ANKH: variants seen among roughly 807,000 people sequenced by gnomAD.
ANKH encodes the protein mineralization regulator ANKH.
In ANKH, 15 loss-of-function variants were observed where a neutral mutation model predicts 49.0. That is an observed-to-expected ratio of 0.31 (90% confidence interval 0.20 to 0.47). The LOEUF (loss-of-function observed/expected upper bound fraction) is 0.47. ANKH is among the 20% of genes least tolerant of loss of function. The pLI, the probability that ANKH is intolerant of heterozygous loss-of-function variation, is 1.00. For missense variants in ANKH, 429 were observed against 652.0 expected, an observed-to-expected ratio of 0.66 and a Z score of 3.72; for synonymous variants, 273 against 260.0, an observed-to-expected ratio of 1.05 and a Z score of -0.48.
rs953298969 is a variant in ANKH at position 14,854,446 on chromosome 5, G to A, written c.96+16906C>T. Among the ~76,000 whole-genome samples the A allele has an allele frequency of 1.2e-4, 18 of 152,326 alleles. No individual in the cohort carries two copies. The East Asian group carries it at 1.7e-3, about 15-fold the overall frequency. On this transcript the variant is annotated intron_variant, in intron 1 of 11. Coordinates refer to ENST00000284268, the MANE Select transcript of ANKH (RefSeq NM_054027.6). ...TGTAATCCCAGCACTTTGGGTGGTC[G>A]AGGCAGAAGGATCTCTTGGGCCTAA...
intron 1 of ANKH, chr5:14,868,772 G>C (rs977884231): frequency 4.0e-5 from 6 of 151,138 alleles, no homozygotes; most frequent in Admixed American, 4.0e-4. Context: ...GAACTCCTGA[G>C]CTCAAGCGAT....
At chr5:14,814,347 T>G (rs1740970506) in intron 1 of ANKH, among the ~76,000 whole-genome samples, 1 of 152,224 alleles carries the variant, frequency 6.6e-6, no homozygotes, top group South Asian at 2.1e-4. Context: ...ACGCCTGTAA[T>G]CCCAGCACTT....
intron 1 of ANKH, among the ~76,000 whole-genome samples, chr5:14,799,309 C>G (rs1740491546): frequency 6.6e-6 from 1 of 152,200 alleles, no homozygotes; most frequent in South Asian, 2.1e-4. Context: ...GGTAAAGCAG[C>G]AAGTGCTTAT....
At chr5:14,796,684 T>C (rs1185367806) in intron 1 of ANKH, among the ~76,000 whole-genome samples, 2 of 152,184 alleles carry the variant, frequency 1.3e-5, no homozygotes, top group African/African-American at 2.4e-5. Flanking sequence ...AGTAGGAATC[T>C]ATATGACTTG....
Position 14,711,156 on chromosome 5 carries a change from C to G in ANKH, c.*41G>C, listed in dbSNP as rs1445194062. ...GGAAGAGATGATGCCGAAGTGTCAT[C>G]CTGACTGACTGTCCCTGCAGTGCCC... On this transcript the variant is annotated 3_prime_UTR_variant, in exon 12 of 12. Coordinates refer to ENST00000284268, the MANE Select transcript of ANKH (RefSeq NM_054027.6). 1 of 1,504,964 alleles carries G rather than the reference C, an allele frequency of 6.6e-7. No individual in the cohort carries two copies. Among genetic ancestry groups the G allele is most frequent in the South Asian group, 1.1e-5 (1 of 88,984 alleles). The allele number at this position is 1,504,964 out of a possible 1,614,324, so 93.2% of individuals were successfully genotyped here. A position where few individuals can be genotyped will look rare whatever the true frequency, so the allele number is the denominator to read the frequency against.
intron 2 of ANKH, among the ~76,000 whole-genome samples, chr5:14,764,743 C>T (rs777342335): frequency 1.3e-5 from 2 of 152,104 alleles, no homozygotes; most frequent in African/African-American, 4.8e-5. Context: ...GGTTAATAAC[C>T]CATGAATAAT....
At chr5:14,741,792 C>T (rs1444203124) in intron 8 of ANKH, 35 bp downstream of exon 8, 1 of 1,559,106 alleles carries the variant, frequency 6.4e-7, no homozygotes, top group Non-Finnish European at 8.8e-7. Context: ...AAAAACCAAA[C>T]AGAGAGAAGA....
intron 1 of ANKH, among the ~76,000 whole-genome samples, chr5:14,833,498 G>A (rs1020128603): frequency 6.6e-5 from 10 of 152,178 alleles, no homozygotes; most frequent in African/African-American, 2.2e-4. Context: ...AGGCCAAAAC[G>A]AGATTCTCGC....
chr5:14,856,443 G>A (rs1735247418), intron 1 of ANKH, among the ~76,000 whole-genome samples: 1 of 109,798 alleles, frequency 9.1e-6, no homozygotes, highest in African/African-American at 3.5e-5. Context: ...AAAAGTTGAA[G>A]CCTACAGAGT....
At chr5:14,716,059 A>G (rs145870301) in intron 9 of ANKH, among the ~76,000 whole-genome samples, 70 of 152,192 alleles carry the variant, frequency 4.6e-4, no homozygotes, top group African/African-American at 1.5e-3. Flanking sequence ...TTTTTGGTGC[A>G]CAGTTTTGAG....
intron 1 of ANKH, among the ~76,000 whole-genome samples, chr5:14,793,279 G>A (rs1740264329): frequency 6.6e-6 from 1 of 151,276 alleles, no homozygotes; most frequent in Non-Finnish European, 1.5e-5. Context: ...GCTGGAAAGA[G>A]GCCCACAGAG....
At chr5:14,746,566 A>G (rs1738550362) in intron 6 of ANKH, among the ~76,000 whole-genome samples, 1 of 152,208 alleles carries the variant, frequency 6.6e-6, no homozygotes, top group Non-Finnish European at 1.5e-5. Context: ...AGAATGTTGT[A>G]GCCCCCAGCT....
intron 3 of ANKH, among the ~76,000 whole-genome samples, chr5:14,756,306 G>T (rs964780740): frequency 6.6e-6 from 1 of 152,190 alleles, no homozygotes; most frequent in Non-Finnish European, 1.5e-5. Flanking sequence ...TCCTTCCCAC[G>T]TGATGCAGAT....
chr5:14,721,712 C>T (rs907814167), intron 8 of ANKH, among the ~76,000 whole-genome samples: 1 of 151,994 alleles, frequency 6.6e-6, no homozygotes, highest in Non-Finnish European at 1.5e-5. Flanking sequence ...GGGAGGATCA[C>T]AAGGTCAGGA....
chr5:14,857,007 A>AGC (rs1250983771), intron 1 of ANKH, among the ~76,000 whole-genome samples: 1 of 152,204 alleles, frequency 6.6e-6, no homozygotes, highest in Non-Finnish European at 1.5e-5. Context: ...ATTGAAAGAA[A>AGC]GCGCTTTTCT....
At chr5:14,847,795 G>A (rs1027279883) in intron 1 of ANKH, among the ~76,000 whole-genome samples, 3 of 152,158 alleles carry the variant, frequency 2.0e-5, no homozygotes, top group African/African-American at 7.2e-5. Flanking sequence ...GGCTTCTTAC[G>A]AGACACTAGG....
In ANKH at chr5:14,805,331, C is replaced by T. The variant is rs1387354008; in HGVS notation, c.97-36140G>A. ...AGCTGGCAGATGGCCTATTGCAGAA[C>T]TTTGTGATCGTGTAAGTTAATACTT... On this transcript the variant is annotated intron_variant, in intron 1 of 11. Coordinates refer to ENST00000284268, the MANE Select transcript of ANKH (RefSeq NM_054027.6). Among the ~76,000 whole-genome samples the T allele has an allele frequency of 2.0e-5, 3 of 150,964 alleles. No homozygotes were observed. The East Asian group carries it at 5.9e-4, about 30-fold the overall frequency.
chr5:14,858,830 G>C lies in ANKH; in HGVS notation c.96+12522C>G, dbSNP rs1403119118. Among the ~76,000 whole-genome samples, 7 of 151,682 alleles carry C rather than the reference G, an allele frequency of 4.6e-5. No individual in the cohort carries two copies. The East Asian group carries it at 1.2e-3, about 25-fold the overall frequency. Reference sequence around the variant, plus strand: ...CACTAAAATAAGATACAGATTTCTAGGTGGTGGGCTTGCATAAGATATTCT... The same window carrying C: ...CACTAAAATAAGATACAGATTTCTACGTGGTGGGCTTGCATAAGATATTCT... On this transcript the variant is annotated intron_variant, in intron 1 of 11. Transcript: ENST00000284268.
At chr5:14,844,532 T>A (rs961142819) in intron 1 of ANKH, among the ~76,000 whole-genome samples, 2 of 152,238 alleles carry the variant, frequency 1.3e-5, no homozygotes, top group African/African-American at 4.8e-5. Context: ...TGATGGTGGC[T>A]ATTCAGATTT....
Sources: gnomAD v4.1 joint callset for allele counts (sites outside exome capture counted in the v4.1 genomes callset) on GRCh38, gnomAD v4.1.1 for gene constraint, MANE v1.5 for transcripts, NCBI Gene and HGNC (gene_info 2026-07-23, HGNC 2026-07-21) for gene names.